Variants in TXLNB observed in about 807,000 individuals in gnomAD.
The protein encoded by TXLNB is taxilin beta.
Under a neutral mutation model 57.4 loss-of-function variants are expected in TXLNB, and 37 were observed. That is an observed-to-expected ratio of 0.64 (90% CI 0.50 to 0.85). TXLNB has a LOEUF of 0.85. TXLNB is among the 40% of genes least tolerant of loss of function. TXLNB has a pLI of 0.00. For synonymous variants in TXLNB, 302 were observed against 309.6 expected, an observed-to-expected ratio of 0.98 and a Z score of 0.26; for missense variants, 848 against 825.6, an observed-to-expected ratio of 1.03 and a Z score of -0.33.
At position 139,240,571 on chromosome 6, in the gene TXLNB, G is replaced by C. The variant is rs934781787; in HGVS notation, c.*1955C>G. 6.6e-6 allele frequency: 1 copy of C among 152,600 alleles called. No homozygotes were observed. Among genetic ancestry groups the C allele is most frequent in the African/African-American group, 2.4e-5 (1 of 41,426 alleles). 9.5% of individuals were successfully genotyped at this position (152,600 alleles called of 1,614,324 possible). A position where few individuals can be genotyped will look rare whatever the true frequency, so the allele number is the denominator to read the frequency against. On this transcript the variant is annotated 3_prime_UTR_variant, in exon 10 of 10. Transcript: ENST00000358430. ...CTGCAGTGGGGAAGGAGACCCTCCT[G>C]GATTATGGTGAATATTTAGCTCTGA...
intron 6 of TXLNB, among the ~76,000 whole-genome samples, chr6:139,257,398 C>G (rs1295249247): frequency 6.6e-6 from 1 of 152,048 alleles, no homozygotes; most frequent in East Asian, 1.9e-4. Flanking sequence ...TTTTTGTTTT[C>G]ATACTTATAT....
chr6:139,322,297 C>T, the TXLNB span, among the ~76,000 whole-genome samples: 1 of 152,162 alleles, frequency 6.6e-6, no homozygotes, highest in South Asian at 2.1e-4. Context: ...CTGATGAGGG[C>T]TTTCTTGTTG....
At chr6:139,248,877 G>A (rs1189551449) in intron 7 of TXLNB, among the ~76,000 whole-genome samples, 1 of 152,252 alleles carries the variant, frequency 6.6e-6, no homozygotes, top group Non-Finnish European at 1.5e-5. Flanking sequence ...CCATTGCCAT[G>A]ACACAGGTTG....
chr6:139,247,453 T>TG (rs1215784748), intron 8 of TXLNB, among the ~76,000 whole-genome samples: 1 of 151,586 alleles, frequency 6.6e-6, no homozygotes, highest in Non-Finnish European at 1.5e-5. Context: ...AGTTTTTGTT[T>TG]TTTTTTTTTT....
At chr6:139,182,609 TTTC>T in the TXLNB span, among the ~76,000 whole-genome samples, 1,602 of 152,316 alleles carry the variant, frequency 0.011, 28 homozygotes, top group African/African-American at 0.037. Flanking sequence ...GTCTTGAGCT[TTTC>T]TTCTTTTTCT....
chr6:139,283,800 TC>T (rs1777111146), intron 2 of TXLNB, among the ~76,000 whole-genome samples: 1 of 145,452 alleles, frequency 6.9e-6, no homozygotes. Flanking sequence ...TTTTAGCATC[TC>T]AAATGTGCCA....
the TXLNB span, among the ~76,000 whole-genome samples, chr6:139,309,001 A>G: frequency 0.24 from 36,129 of 152,172 alleles, 6,755 homozygotes; most frequent in African/African-American, 0.51. Context: ...GGTAAAGAGG[A>G]GCATGCATTC....
chr6:139,245,001 C>G (rs1776037597), intron 8 of TXLNB, among the ~76,000 whole-genome samples: 1 of 152,158 alleles, frequency 6.6e-6, no homozygotes, highest in South Asian at 2.1e-4. Context: ...CATGAACAAG[C>G]CTGTAATTTA....
the TXLNB span, among the ~76,000 whole-genome samples, chr6:139,206,946 A>T: frequency 6.6e-6 from 1 of 152,328 alleles, no homozygotes. Context: ...AAGATATTAC[A>T]TATGCACCTA....
rs1361906932 is a variant in TXLNB, at chr6:139,240,604, G to C, written c.*1922C>G. 1 of 152,636 alleles carries C rather than the reference G, an allele frequency of 6.6e-6. No individual in the cohort carries two copies. Among genetic ancestry groups the C allele is most frequent in the Non-Finnish European group, 1.5e-5 (1 of 68,042 alleles). The allele number at this position is 152,636 out of a possible 1,614,324, so 9.5% of individuals were successfully genotyped here. On this transcript the variant is annotated 3_prime_UTR_variant, in exon 10 of 10. Transcript: ENST00000358430. Reference sequence around the variant, plus strand: ...GTGAATATTTAGCTCTGAATCAAATGAATGTTTAAATCTCTAAGACTTGCA... The same window carrying C: ...GTGAATATTTAGCTCTGAATCAAATCAATGTTTAAATCTCTAAGACTTGCA...
At chr6:139,287,902 C>A (rs763147245) in intron 2 of TXLNB, among the ~76,000 whole-genome samples, 11 of 152,168 alleles carry the variant, frequency 7.2e-5, no homozygotes, top group Non-Finnish European at 1.0e-4. Context: ...AGCTCCTTGA[C>A]CAAAAGACCA....
At chr6:139,307,199 G>A in the TXLNB span, among the ~76,000 whole-genome samples, 1 of 152,082 alleles carries the variant, frequency 6.6e-6, no homozygotes, top group Non-Finnish European at 1.5e-5. Flanking sequence ...GGGGTTTTTT[G>A]TTTGTTTGTT....
the TXLNB span, chr6:139,170,364 A>G: frequency 6.6e-6 from 1 of 152,344 alleles, no homozygotes; most frequent in South Asian, 2.1e-4. Context: ...TATAAAATGT[A>G]ACTAACTTAC....
At chr6:139,237,223 C>T (rs1273776177), downstream of TXLNB, among the ~76,000 whole-genome samples, 3 of 151,760 alleles carry the variant, frequency 2.0e-5, no homozygotes, top group South Asian at 2.1e-4. Context: ...GTATATTGGC[C>T]GGGTGCAGTG....
the TXLNB span, among the ~76,000 whole-genome samples, chr6:139,213,335 G>A: frequency 8.3e-4 from 126 of 152,104 alleles, no homozygotes; most frequent in East Asian, 2.1e-3. Flanking sequence ...ACTCAAAACC[G>A]CTCAACTACA....
upstream of TXLNB, among the ~76,000 whole-genome samples, chr6:139,296,882 T>C (rs1199630970): frequency 1.3e-5 from 2 of 150,220 alleles, no homozygotes; most frequent in Admixed American, 6.6e-5. Context: ...TGAGACCCCA[T>C]CTCTGAAAGC....
At chr6:139,192,988 C>A in the TXLNB span, among the ~76,000 whole-genome samples, 82,545 of 144,496 alleles carry the variant, frequency 0.57, 23,568 homozygotes, top group Non-Finnish European at 0.61. Context: ...AAAAAAAAAA[C>A]AACAAAAAAA....
intron 8 of TXLNB, 87 bp from the exon 9 acceptor site, chr6:139,244,777 G>A (rs1776032824): frequency 3.5e-6 from 3 of 851,154 alleles, no homozygotes; most frequent in Non-Finnish European, 5.9e-6. Context: ...ACCAGGAGAA[G>A]CCCTTTTGTT....
At chr6:139,254,951 T>A (rs1776297763) in intron 7 of TXLNB, among the ~76,000 whole-genome samples, 1 of 152,126 alleles carries the variant, frequency 6.6e-6, no homozygotes, top group South Asian at 2.1e-4. Flanking sequence ...CCTGGGTAGC[T>A]GGGATTACAG....
Sources: gnomAD v4.1 joint callset for allele counts (sites outside exome capture counted in the v4.1 genomes callset) on GRCh38, gnomAD v4.1.1 for gene constraint, MANE v1.5 for transcripts, NCBI Gene and HGNC (gene_info 2026-07-23, HGNC 2026-07-21) for gene names.